PSMB2: variants seen among roughly 807,000 people sequenced by gnomAD.
PSMB2 encodes the protein proteasome subunit beta type-2.
A neutral mutation model predicts 25.7 loss-of-function variants in PSMB2; 13 were observed. The ratio of observed to expected loss-of-function variants is 0.51; its 90% confidence interval spans 0.33 to 0.80. The LOEUF (loss-of-function observed/expected upper bound fraction) is 0.80. Ranked by LOEUF, PSMB2 falls within the 30% of genes least tolerant of loss-of-function variation. PSMB2 has a pLI of 0.02. For synonymous variants in PSMB2, 87 were observed against 96.2 expected, an observed-to-expected ratio of 0.90 and a Z score of 0.56; for missense variants, 202 against 259.0, an observed-to-expected ratio of 0.78 and a Z score of 1.51.
chr1:35,614,690 C>T (rs559008391), intron 3 of PSMB2, among the ~76,000 whole-genome samples: 3 of 152,312 alleles, frequency 2.0e-5, no homozygotes, highest in African/African-American at 7.2e-5. Context: ...ACCCAAAGGT[C>T]TTGGCAATCA....
chr1:35,627,919 T>C (rs542633714), intron 3 of PSMB2, among the ~76,000 whole-genome samples: 1 of 152,202 alleles, frequency 6.6e-6, no homozygotes, highest in South Asian at 2.1e-4. Context: ...CCACCACACA[T>C]ACACAGAGCA....
intron 3 of PSMB2, among the ~76,000 whole-genome samples, chr1:35,609,737 T>C (rs1256548723): frequency 6.6e-6 from 1 of 152,212 alleles, no homozygotes; most frequent in Non-Finnish European, 1.5e-5. Context: ...AGAGTGACTA[T>C]AGTTAATAAT....
chr1:35,610,745 C>T (rs1033122910), intron 3 of PSMB2, among the ~76,000 whole-genome samples: 8 of 152,192 alleles, frequency 5.3e-5, no homozygotes, highest in Admixed American at 2.6e-4. Flanking sequence ...CCGCCCGCCT[C>T]GGCCTCCCAA....
chr1:35,600,724 C>CA lies in PSMB2; in HGVS notation c.*2542dup, dbSNP rs796693861. On this transcript the variant is annotated 3_prime_UTR_variant, in exon 6 of 6. Coordinates refer to ENST00000373237, the MANE Select transcript of PSMB2 (RefSeq NM_002794.5). ...AGCTCAGGAAAGAGATCCAGATTGGCAAAAAAACACTGAGAGTCAGGATGG... is the reference window on the plus strand; with the variant it reads ...AGCTCAGGAAAGAGATCCAGATTGGCAAAAAAAACACTGAGAGTCAGGATGG... 67 of 985,126 alleles carry CA rather than the reference C, an allele frequency of 6.8e-5. No individual in the cohort carries two copies. In the African/African-American group the frequency reaches 8.0e-4, roughly 12 times the overall value. The allele number at this position is 985,126 out of a possible 1,614,324, so 61.0% of individuals were successfully genotyped here.
At chr1:35,624,702 G>A (rs1039730634) in intron 3 of PSMB2, among the ~76,000 whole-genome samples, 2 of 151,700 alleles carry the variant, frequency 1.3e-5, no homozygotes, top group African/African-American at 4.9e-5. Flanking sequence ...GCAGTGAGCC[G>A]AGATTACACC....
At chr1:35,625,595 T>A (rs1650831565) in intron 3 of PSMB2, among the ~76,000 whole-genome samples, 1 of 151,714 alleles carries the variant, frequency 6.6e-6, no homozygotes, top group South Asian at 2.1e-4. Flanking sequence ...ACCCCGTCTC[T>A]ACTAAAAATA....
chr1:35,605,745 A>G (rs375849385), intron 4 of PSMB2, among the ~76,000 whole-genome samples: 1 of 152,186 alleles, frequency 6.6e-6, no homozygotes, highest in Non-Finnish European at 1.5e-5. Context: ...TGGGAAGAGA[A>G]TTCATAGGAT....
chr1:35,615,462 C>T (rs981089162), intron 3 of PSMB2, among the ~76,000 whole-genome samples: 7 of 152,122 alleles, frequency 4.6e-5, no homozygotes. Flanking sequence ...TTGTATATTC[C>T]CTCTCTTATG....
rs116454065 is a variant in PSMB2, at chr1:35,633,735, T to G, written c.215-2391A>C. ...AAACCTAAGTACCATGTACTTTATG[T>G]TCCTGAATGTCAGGACTAAGCCTTA... On this transcript the variant is annotated intron_variant, in intron 2 of 5. Coordinates refer to ENST00000373237, the MANE Select transcript of PSMB2 (RefSeq NM_002794.5). Among the ~76,000 whole-genome samples, 945 of 152,396 alleles carry G rather than the reference T, an allele frequency of 6.2e-3. 14 individuals are homozygous for G. Among genetic ancestry groups the G allele is most frequent in the African/African-American group, 0.022 (914 of 41,598 alleles).
At chr1:35,631,507 T>C (rs939889283) in intron 2 of PSMB2, 163 bp from the exon 3 acceptor site, 8 of 1,433,732 alleles carry the variant, frequency 5.6e-6, no homozygotes, top group African/African-American at 1.4e-5. Context: ...CCTTTCCTCA[T>C]GCAACAGCTA....
At chr1:35,626,956 T>C (rs1451931550) in intron 3 of PSMB2, among the ~76,000 whole-genome samples, 2 of 152,068 alleles carry the variant, frequency 1.3e-5, no homozygotes, top group African/African-American at 2.4e-5. Context: ...TACCAGGAGA[T>C]TTTCCACCAG....
chr1:35,603,639 G>A (rs1650073626), intron 5 of PSMB2, among the ~76,000 whole-genome samples: 1 of 152,194 alleles, frequency 6.6e-6, no homozygotes, highest in Non-Finnish European at 1.5e-5. Context: ...GCTGACGAAA[G>A]AATGAGACAA....
At chr1:35,631,520 A>C in intron 2 of PSMB2, 176 bp from the exon 3 acceptor site, 35 of 1,422,806 alleles carry the variant, frequency 2.5e-5, no homozygotes, top group South Asian at 1.5e-5. Flanking sequence ...AACAGCTATG[A>C]AATAGCTGGT....
chr1:35,608,244 A>T (rs1650226250), intron 4 of PSMB2, among the ~76,000 whole-genome samples: 2 of 152,170 alleles, frequency 1.3e-5, no homozygotes, highest in Non-Finnish European at 2.9e-5. Flanking sequence ...ACACGCCTGT[A>T]ATCCCATCTA....
chr1:35,603,986 C>T (rs1650084220), intron 5 of PSMB2, among the ~76,000 whole-genome samples: 1 of 145,796 alleles, frequency 6.9e-6, no homozygotes, highest in African/African-American at 2.5e-5. Context: ...GGTGCCACTG[C>T]ACTCCACTCC....
intron 1 of PSMB2, among the ~76,000 whole-genome samples, chr1:35,639,287 T>C (rs1034288985): frequency 8.6e-5 from 13 of 152,044 alleles, no homozygotes; most frequent in Admixed American, 7.9e-4. Flanking sequence ...AAAAAAGTCA[T>C]CATACAATAC....
In PSMB2 at chr1:35,641,364, G is replaced by T. The variant is rs142932096; in HGVS notation, c.69C>A (p.Ser23Arg). The T allele has an allele frequency of 7.4e-6, 12 of 1,614,090 alleles. No individual in the cohort carries two copies. The highest frequency in any genetic ancestry group is 1.0e-5 in the Non-Finnish European group (12 of 1,180,020). The change falls in exon 1 of 6, where the codon AGC (serine) becomes AGA (arginine). Residue 23 changes from serine (S) to arginine (R), a missense_variant. Ser to Arg is a moderately radical substitution (Grantham distance 110). Transcript: ENST00000373237. The part of the protein sequence containing the change: ...VLVASDRVAA[S>R]NIVQMKDDHD... ...CACCGTCCTTCATCTGGACAATATT[G>T]CTGGCGGCCACCCGGTCGGAGGCGA...
At chr1:35,638,199 A>T (rs1651298353) in intron 1 of PSMB2, among the ~76,000 whole-genome samples, 1 of 152,212 alleles carries the variant, frequency 6.6e-6, no homozygotes, top group Non-Finnish European at 1.5e-5. Context: ...AATATGTCCA[A>T]TGAGTAGCAG....
At chr1:35,636,853 A>G (rs1276182562) in intron 1 of PSMB2, among the ~76,000 whole-genome samples, 2 of 152,228 alleles carry the variant, frequency 1.3e-5, no homozygotes, top group Admixed American at 1.3e-4. Context: ...ATCCCTACAG[A>G]TACCAAGGGA....
Sources: allele counts gnomAD v4.1 joint callset (sites outside exome capture counted in the v4.1 genomes callset), GRCh38; gene constraint gnomAD v4.1.1; transcripts MANE v1.5; gene names NCBI Gene and HGNC (gene_info 2026-07-23, HGNC 2026-07-21).